The following FAM114A1 variants were observed in gnomAD, a reference collection of about 807,000 sequenced individuals.
FAM114A1 encodes the protein protein NOXP20.
Under a neutral mutation model 64.3 loss-of-function variants are expected in FAM114A1, and 62 were observed. The observed-to-expected ratio is 0.96, with a 90% CI of 0.79 to 1.19. The LOEUF (loss-of-function observed/expected upper bound fraction) is 1.19, where lower values mean the gene tolerates loss of function less well. Among genes scored for constraint, FAM114A1 ranks in the 50% most tolerant of loss-of-function variants. The pLI is 0.00. For synonymous variants in FAM114A1, 254 were observed against 251.1 expected (o/e 1.01, Z -0.11); for missense variants, 645 against 676.3 (o/e 0.95, Z 0.51).
chr4:38,943,672 C>G lies in FAM114A1; in HGVS notation c.*115C>G, dbSNP rs1463920371. 1.3e-6 allele frequency: 1 copy of G among 793,968 alleles called. No individual in the cohort carries two copies. The highest frequency in any genetic ancestry group is 2.1e-6 in the Non-Finnish European group (1 of 475,388). The allele number at this position is 793,968 out of a possible 1,614,324, so 49.2% of individuals were successfully genotyped here. A position where few individuals can be genotyped will look rare whatever the true frequency, so the allele number is the denominator to read the frequency against. On this transcript the variant is annotated 3_prime_UTR_variant, in exon 15 of 15. Coordinates refer to ENST00000358869, the MANE Select transcript of FAM114A1 (RefSeq NM_138389.4). ...CACAGACATCCATTTGAGGACACTA[C>G]AAGCAATTTTGCACAGACAATATTG...
intron 11 of FAM114A1, 100 bp downstream of exon 11, chr4:38,931,712 T>G: frequency 7.9e-7 from 1 of 1,266,624 alleles, no homozygotes; most frequent in Non-Finnish European, 1.1e-6. Flanking sequence ...CTTTTTCATT[T>G]GTTCCGTGTT....
intron 2 of FAM114A1, among the ~76,000 whole-genome samples, chr4:38,872,478 T>C (rs1714177616): frequency 6.6e-6 from 1 of 152,220 alleles, no homozygotes; most frequent in Non-Finnish European, 1.5e-5. Flanking sequence ...TGGGACTTCC[T>C]AATAATCCAG....
intron 13 of FAM114A1, among the ~76,000 whole-genome samples, chr4:38,936,755 G>T (rs991242291): frequency 6.6e-6 from 1 of 152,020 alleles, no homozygotes; most frequent in Middle Eastern, 3.4e-3. Context: ...GTTTCACCAT[G>T]TTGGCCAGGC....
chr4:38,896,802 G>T (rs1686939646), intron 4 of FAM114A1, among the ~76,000 whole-genome samples: 1 of 152,214 alleles, frequency 6.6e-6, no homozygotes, highest in South Asian at 2.1e-4. Context: ...ATCATTCACA[G>T]TAGTAGACAA....
intron 3 of FAM114A1, among the ~76,000 whole-genome samples, chr4:38,891,022 G>T (rs1444075889): frequency 6.6e-6 from 1 of 152,142 alleles, no homozygotes; most frequent in Non-Finnish European, 1.5e-5. Flanking sequence ...GGATATAACA[G>T]GGTCATCCAC....
At chr4:38,905,400 T>TA (rs74272797) in intron 4 of FAM114A1, 122 bp from the exon 5 acceptor site, 19,062 of 595,522 alleles carry the variant, frequency 0.032, 68 homozygotes, top group African/African-American at 0.063. Flanking sequence ...CTCCATCTTT[T>TA]AAAAAAAAAA....
chr4:38,882,521 C>G (rs1365655838), intron 3 of FAM114A1, among the ~76,000 whole-genome samples: 1 of 151,690 alleles, frequency 6.6e-6, no homozygotes, highest in Non-Finnish European at 1.5e-5. Flanking sequence ...CCCAGCTACT[C>G]GAGAGGCTGA....
chr4:38,874,032 A>G (rs944361915), intron 2 of FAM114A1, among the ~76,000 whole-genome samples: 1 of 152,230 alleles, frequency 6.6e-6, no homozygotes, highest in Non-Finnish European at 1.5e-5. Context: ...AAAAGAATGT[A>G]GATAGATTCT....
chr4:38,877,352 C>T (rs1299521936), intron 2 of FAM114A1, among the ~76,000 whole-genome samples: 2 of 152,108 alleles, frequency 1.3e-5, no homozygotes, highest in African/African-American at 4.8e-5. Context: ...CTAGATGCTC[C>T]CACCTGGGGA....
intron 12 of FAM114A1, among the ~76,000 whole-genome samples, chr4:38,934,068 A>C (rs1720882380): frequency 6.6e-6 from 1 of 152,248 alleles, no homozygotes. Flanking sequence ...AAGAATAGGC[A>C]CTTGCCTAAA....
intron 9 of FAM114A1, among the ~76,000 whole-genome samples, chr4:38,926,305 G>A (rs1203140250): frequency 6.6e-6 from 1 of 152,180 alleles, no homozygotes; most frequent in East Asian, 1.9e-4. Context: ...GGCAGTTTGG[G>A]AAGAGACCTT....
At chr4:38,873,581 A>T (rs906480292) in intron 2 of FAM114A1, among the ~76,000 whole-genome samples, 5 of 152,230 alleles carry the variant, frequency 3.3e-5, no homozygotes, top group Non-Finnish European at 7.3e-5. Context: ...AGATAAACAC[A>T]AAATGCCCTC....
At chr4:38,876,030 C>T (rs1714577530) in intron 2 of FAM114A1, among the ~76,000 whole-genome samples, 1 of 152,158 alleles carries the variant, frequency 6.6e-6, no homozygotes, top group Admixed American at 6.5e-5. Context: ...AGACCTTCAT[C>T]AGCTGGTCCC....
chr4:38,929,459 G>A (rs1720447507), intron 10 of FAM114A1, 126 bp downstream of exon 10: 1 of 718,716 alleles, frequency 1.4e-6, no homozygotes, highest in South Asian at 1.8e-5. Flanking sequence ...ATAGTGCCGG[G>A]AGAGGAGTTT....
intron 13 of FAM114A1, among the ~76,000 whole-genome samples, chr4:38,939,027 A>G: frequency 6.6e-6 from 1 of 152,210 alleles, no homozygotes; most frequent in Non-Finnish European, 1.5e-5. Context: ...TGTTGTTAAA[A>G]TGAAGATTCT....
intron 14 of FAM114A1, 113 bp downstream of exon 14, chr4:38,941,134 C>G: frequency 1.1e-6 from 1 of 913,276 alleles, no homozygotes; most frequent in Non-Finnish European, 1.7e-6. Flanking sequence ...TTCTGAATCT[C>G]ATCATCAGGT....
intron 3 of FAM114A1, among the ~76,000 whole-genome samples, chr4:38,886,134 G>A (rs1024014256): frequency 4.0e-5 from 6 of 151,896 alleles, no homozygotes; most frequent in Non-Finnish European, 1.5e-5. Flanking sequence ...GCTGTGGAGG[G>A]AGGATGGACA....
At chr4:38,920,061 T>G (rs944116679) in intron 8 of FAM114A1, among the ~76,000 whole-genome samples, 2 of 151,918 alleles carry the variant, frequency 1.3e-5, no homozygotes, top group Non-Finnish European at 2.9e-5. Flanking sequence ...ATACAAAAAT[T>G]AGCAGGGAGT....
At chr4:38,881,464 C>T (rs1715268978) in intron 3 of FAM114A1, among the ~76,000 whole-genome samples, 1 of 152,060 alleles carries the variant, frequency 6.6e-6, no homozygotes, top group Non-Finnish European at 1.5e-5. Context: ...GAGTCGGGCC[C>T]GTGGCTCTGG....
Sources: allele counts gnomAD v4.1 joint callset (sites outside exome capture counted in the v4.1 genomes callset), GRCh38; gene constraint gnomAD v4.1.1; transcripts MANE v1.5; gene names NCBI Gene and HGNC (gene_info 2026-07-23, HGNC 2026-07-21).